NEGR1: variants seen among roughly 807,000 people sequenced by gnomAD.
NEGR1 encodes neuronal growth regulator 1.
Under a neutral mutation model 40.9 loss-of-function variants are expected in NEGR1, and 10 were observed. The ratio of observed to expected loss-of-function variants is 0.24; its 90% CI spans 0.15 to 0.42. The LOEUF (loss-of-function observed/expected upper bound fraction) is 0.42, where lower values mean the gene tolerates loss of function less well. Among genes scored for constraint, NEGR1 ranks in the 10% least tolerant of loss-of-function variants. The probability of loss-of-function intolerance (pLI) is 1.00; values close to 1 mark genes in which losing one functional copy is unlikely to be tolerated. For missense variants in NEGR1, 352 were observed against 438.9 expected (o/e 0.80, Z 1.77); for synonymous variants, 185 against 166.8 (o/e 1.11, Z -0.84).
intron 6 of NEGR1, among the ~76,000 whole-genome samples, chr1:71,431,826 C>G (rs754608977): frequency 2.0e-5 from 3 of 152,046 alleles, no homozygotes; most frequent in Non-Finnish European, 1.5e-5. Context: ...AATTTAGAGA[C>G]TTTTGCCTAG....
At chr1:71,547,269 G>T (rs1014747173) in intron 6 of NEGR1, among the ~76,000 whole-genome samples, 6 of 151,742 alleles carry the variant, frequency 4.0e-5, no homozygotes, top group Admixed American at 3.9e-4. Flanking sequence ...CCCTTCCCTT[G>T]TTGTCTGGTA....
intron 2 of NEGR1, among the ~76,000 whole-genome samples, chr1:71,792,369 G>A (rs1391175806): frequency 6.6e-6 from 1 of 152,102 alleles, no homozygotes; most frequent in African/African-American, 2.4e-5. Context: ...AGATTGATGT[G>A]TTAGTATAAA....
At chr1:71,822,408 G>A (rs1814055) in intron 2 of NEGR1, among the ~76,000 whole-genome samples, 40,360 of 151,864 alleles carry the variant, frequency 0.27, 5,836 homozygotes, top group East Asian at 0.55. Context: ...CCAGCTAGCC[G>A]CTATCATTGA....
chr1:71,598,319 G>A (rs1649796651), intron 5 of NEGR1, among the ~76,000 whole-genome samples: 2 of 152,134 alleles, frequency 1.3e-5, no homozygotes, highest in African/African-American at 4.8e-5. Flanking sequence ...ATAGCCAAGT[G>A]GTATGTGTCA....
At chr1:71,686,386 A>T (rs1473824480) in intron 4 of NEGR1, among the ~76,000 whole-genome samples, 7 of 152,106 alleles carry the variant, frequency 4.6e-5, no homozygotes, top group Non-Finnish European at 7.4e-5. Flanking sequence ...AGGGGTAGGG[A>T]TATTCTGCTG....
intron 6 of NEGR1, chr1:71,487,114 A>T (rs1388387561): frequency 6.6e-6 from 1 of 151,706 alleles, no homozygotes; most frequent in Non-Finnish European, 1.5e-5. Flanking sequence ...TGAGAAAAAG[A>T]TATATCCAGT....
At chr1:72,270,308 C>T (rs1363292295) in intron 1 of NEGR1, among the ~76,000 whole-genome samples, 2 of 151,874 alleles carry the variant, frequency 1.3e-5, no homozygotes, top group African/African-American at 2.4e-5. Context: ...CTATGCTATG[C>T]ATTTTGCAAA....
At chr1:72,108,367 T>A (rs1649217086) in intron 1 of NEGR1, among the ~76,000 whole-genome samples, 1 of 151,636 alleles carries the variant, frequency 6.6e-6, no homozygotes, top group Non-Finnish European at 1.5e-5. Context: ...TTTCACATTT[T>A]GCCTCAGGGT....
chr1:71,505,500 C>A (rs1297165082), intron 6 of NEGR1, among the ~76,000 whole-genome samples: 1 of 152,092 alleles, frequency 6.6e-6, no homozygotes, highest in Non-Finnish European at 1.5e-5. Context: ...CCAGAATGGT[C>A]TCAATCTCCT....
chr1:72,139,625 C>A (rs936455494), intron 1 of NEGR1, among the ~76,000 whole-genome samples: 3 of 151,924 alleles, frequency 2.0e-5, no homozygotes, highest in African/African-American at 7.2e-5. Flanking sequence ...TAACAAAGCA[C>A]ATACTGTAAA....
At chr1:71,433,750 G>C (rs147513127) in intron 6 of NEGR1, among the ~76,000 whole-genome samples, 2 of 152,280 alleles carry the variant, frequency 1.3e-5, no homozygotes, top group East Asian at 3.9e-4. Flanking sequence ...TTCAAGATGA[G>C]ATTTGGGTGG....
At chr1:71,947,197 A>G (rs1309209010) in intron 1 of NEGR1, among the ~76,000 whole-genome samples, 1 of 149,026 alleles carries the variant, frequency 6.7e-6, no homozygotes, top group Non-Finnish European at 1.5e-5. Context: ...AATCATATAT[A>G]TAACTTAATA....
chr1:71,735,857 T>G (rs1655026317), intron 3 of NEGR1, among the ~76,000 whole-genome samples: 1 of 151,994 alleles, frequency 6.6e-6, no homozygotes, highest in African/African-American at 2.4e-5. Context: ...TTAAAGGAAT[T>G]TGAAAAAAAA....
chr1:71,659,217 C>T (rs1347556403), intron 4 of NEGR1, among the ~76,000 whole-genome samples: 1 of 152,038 alleles, frequency 6.6e-6, no homozygotes, highest in African/African-American at 2.4e-5. Context: ...GCAATGCAAC[C>T]ATAAAGAGTT....
chr1:72,201,309 ATATTT>A (rs1044723018), intron 1 of NEGR1, among the ~76,000 whole-genome samples: 43 of 150,884 alleles, frequency 2.8e-4, no homozygotes, highest in African/African-American at 8.5e-4. Flanking sequence ...TAATTTTTTT[ATATTT>A]TATTTTATTT....
intron 1 of NEGR1, among the ~76,000 whole-genome samples, chr1:72,000,045 C>T (rs1646544285): frequency 6.6e-6 from 1 of 151,844 alleles, no homozygotes; most frequent in Non-Finnish European, 1.5e-5. Context: ...CCCAGAATAA[C>T]ACTACGAAAG....
At chr1:71,446,593 T>C (rs1296205570) in intron 6 of NEGR1, among the ~76,000 whole-genome samples, 1 of 152,226 alleles carries the variant, frequency 6.6e-6, no homozygotes. Flanking sequence ...TTTAGTTAGA[T>C]TTTAATTAAA....
intron 1 of NEGR1, among the ~76,000 whole-genome samples, chr1:71,991,293 G>T (rs1251734034): frequency 6.6e-6 from 1 of 151,884 alleles, no homozygotes; most frequent in Non-Finnish European, 1.5e-5. Context: ...CTATGTAATA[G>T]ATGTCATATT....
At position 71,406,409 on chromosome 1, in the gene NEGR1, T is replaced by C. The variant is rs1350364825; in HGVS notation, c.*1037A>G. 6.6e-6 allele frequency: 1 copy of C among 151,880 alleles called. No homozygotes were observed. The highest frequency in any genetic ancestry group is 1.5e-5 in the Non-Finnish European group (1 of 67,862). 9.4% of individuals were successfully genotyped at this position (151,880 alleles called of 1,614,324 possible). On this transcript the variant is annotated 3_prime_UTR_variant, in exon 7 of 7. Transcript: ENST00000357731. ...GAGCGCTTACCAACTCTTGTAATATTAGGTGATAGGACTTTGTGCCCTTTC... is the reference window on the plus strand; with the variant it reads ...GAGCGCTTACCAACTCTTGTAATATCAGGTGATAGGACTTTGTGCCCTTTC...
Sources: gnomAD v4.1 joint callset for allele counts (sites outside exome capture counted in the v4.1 genomes callset) on GRCh38, gnomAD v4.1.1 for gene constraint, MANE v1.5 for transcripts, NCBI Gene and HGNC (gene_info 2026-07-23, HGNC 2026-07-21) for gene names.